The following ZNF578 variants were observed in gnomAD, a reference collection of about 807,000 sequenced individuals.
The protein encoded by ZNF578 is Putative chemokine-related protein B42.
In ZNF578, 8 loss-of-function variants were observed where a neutral mutation model predicts 8.3. That is an observed-to-expected ratio of 0.96 (90% CI 0.56 to 1.74). The LOEUF is 1.74. Ranked by LOEUF, ZNF578 falls within the 40% of genes most tolerant of loss-of-function variation. The pLI is 0.00. For synonymous variants in ZNF578, 206 were observed against 232.2 expected, an observed-to-expected ratio of 0.89 and a Z score of 1.03; for missense variants, 726 against 707.5, an observed-to-expected ratio of 1.03 and a Z score of -0.30.
intron 2 of ZNF578, among the ~76,000 whole-genome samples, chr19:52,478,941 C>T (rs373675070): frequency 2.6e-5 from 4 of 151,596 alleles, no homozygotes; most frequent in East Asian, 2.0e-4. Context: ...CTCGAACTCC[C>T]GACCTCAGGT....
intron 3 of ZNF578, among the ~76,000 whole-genome samples, chr19:52,492,475 A>AG (rs2059369114): frequency 1.3e-5 from 2 of 152,194 alleles, no homozygotes; most frequent in African/African-American, 4.8e-5. Flanking sequence ...TGGCGAATAG[A>AG]AAGAGAGAGG....
rs151275526 is a variant in ZNF578 at position 52,460,916 on chromosome 19, C to T, written c.-122+3958C>T. 6.0e-4 allele frequency among the ~76,000 whole-genome samples: 92 copies of T among 152,184 alleles called. 1 individual carries two copies. In the East Asian group the frequency reaches 0.018, roughly 29 times the overall value. On this transcript the variant is annotated intron_variant, in intron 2 of 5. Transcript: ENST00000421239. ...CCCATTTTTTCTTTTTTAAAACCAC[C>T]GTTGCTATCATGGCTTGTTCATGGT... is the stretch of plus-strand genomic sequence containing the variant.
intron 2 of ZNF578, among the ~76,000 whole-genome samples, chr19:52,471,140 T>C (rs1175473722): frequency 5.3e-5 from 8 of 152,228 alleles, no homozygotes; most frequent in Admixed American, 3.9e-4. Context: ...ATGCTGGCAT[T>C]ATGCTTCCGG....
rs747902463 is a variant in ZNF578, at chr19:52,512,998, A to G, written c.*844A>G. On this transcript the variant is annotated 3_prime_UTR_variant, in exon 6 of 6. Transcript: ENST00000421239. ...AGTTTGAAACAAGCATGGCCAAGAG[A>G]TGTGAGCCAGTTTTCCCAGCCTGTT... 6.6e-6 allele frequency among the ~76,000 whole-genome samples: 1 copy of G among 151,858 alleles called. No homozygotes were observed. Among genetic ancestry groups the G allele is most frequent in the Non-Finnish European group, 1.5e-5 (1 of 67,970 alleles).
At chr19:52,464,339 G>A (rs2059267854) in intron 2 of ZNF578, among the ~76,000 whole-genome samples, 1 of 152,216 alleles carries the variant, frequency 6.6e-6, no homozygotes, top group Non-Finnish European at 1.5e-5. Flanking sequence ...CTTTTACTGT[G>A]TAAGCCGGAA....
chr19:52,474,831 C>A (rs1352775543), intron 2 of ZNF578: 3 of 203,694 alleles, frequency 1.5e-5, no homozygotes, highest in Non-Finnish European at 2.1e-5. Flanking sequence ...AGTATGAATT[C>A]TTCGATGTTG....
At chr19:52,484,533 T>C (rs1334777344) in intron 2 of ZNF578, among the ~76,000 whole-genome samples, 1 of 152,162 alleles carries the variant, frequency 6.6e-6, no homozygotes, top group Non-Finnish European at 1.5e-5. Flanking sequence ...CCACAGTGTA[T>C]TGTGTCTCTG....
At chr19:52,492,965 T>C (rs2059371585) in intron 3 of ZNF578, 1 of 152,304 alleles carries the variant, frequency 6.6e-6, no homozygotes, top group Non-Finnish European at 1.5e-5. Flanking sequence ...TTCTCGCTTG[T>C]CTTCATTCAC....
At chr19:52,510,423 A>G in intron 5 of ZNF578, 149 bp from the exon 6 acceptor site, 2 of 1,135,080 alleles carry the variant, frequency 1.8e-6, no homozygotes, top group Non-Finnish European at 2.3e-6. Context: ...TATTTATTAA[A>G]GAATCTTACT....
chr19:52,508,914 T>TG (rs1331213534), intron 5 of ZNF578, among the ~76,000 whole-genome samples: 106 of 144,096 alleles, frequency 7.4e-4, no homozygotes, highest in Non-Finnish European at 1.3e-3. Context: ...TTTTTTTTTT[T>TG]TTTTTGAGAT....
At chr19:52,496,095 C>T (rs2059385134) in intron 3 of ZNF578, among the ~76,000 whole-genome samples, 1 of 151,932 alleles carries the variant, frequency 6.6e-6, no homozygotes, top group Non-Finnish European at 1.5e-5. Context: ...TCTGGACTCA[C>T]TGTAACCTCT....
In ZNF578 at chr19:52,487,419, C is replaced by T. The variant is rs574480012; in HGVS notation, c.-121-3905C>T. ...TCTAATAACTAAAAACTTGTTTATACACATCAGATTGAGAATTTTAAAATT... is the reference window on the plus strand; with the variant it reads ...TCTAATAACTAAAAACTTGTTTATATACATCAGATTGAGAATTTTAAAATT... On this transcript the variant is annotated intron_variant, in intron 2 of 5. Coordinates refer to ENST00000421239, the MANE Select transcript of ZNF578 (RefSeq NM_001099694.2). Among the ~76,000 whole-genome samples the T allele has an allele frequency of 3.9e-5, 6 of 152,252 alleles. No individual in the cohort carries two copies. In the South Asian group the frequency reaches 1.0e-3, roughly 26 times the overall value.
rs183198742 is a variant in ZNF578, at chr19:52,514,234, A to C, written c.*2080A>C. Among the ~76,000 whole-genome samples, 46 of 152,314 alleles carry C rather than the reference A, an allele frequency of 3.0e-4. 1 individual carries two copies. In the East Asian group the frequency reaches 8.9e-3, roughly 29 times the overall value. On this transcript the variant is annotated 3_prime_UTR_variant, in exon 6 of 6. Transcript: ENST00000421239. Reference sequence around the variant, plus strand: ...GATGCCTTTGCAGCATCCTGTAATCAGCTCACATCATTCGTTTCTGTACTT... The same window carrying C: ...GATGCCTTTGCAGCATCCTGTAATCCGCTCACATCATTCGTTTCTGTACTT...
At chr19:52,474,374 G>GT in intron 2 of ZNF578, 1 of 286,278 alleles carries the variant, frequency 3.5e-6, no homozygotes, top group Non-Finnish European at 7.2e-6. Context: ...TGAACTGTGA[G>GT]TAAAGACCTT....
intron 2 of ZNF578, among the ~76,000 whole-genome samples, chr19:52,479,288 C>T (rs1275680624): frequency 1.3e-5 from 2 of 151,910 alleles, no homozygotes; most frequent in Non-Finnish European, 1.5e-5. Flanking sequence ...GTAATCCCAG[C>T]ACTTTGGGAG....
intron 4 of ZNF578, among the ~76,000 whole-genome samples, chr19:52,504,274 G>A (rs955894178): frequency 1.4e-4 from 22 of 151,938 alleles, no homozygotes; most frequent in African/African-American, 1.7e-4. Context: ...TATTTTTAGT[G>A]GAGACAGGTT....
intron 2 of ZNF578, among the ~76,000 whole-genome samples, chr19:52,479,474 G>A (rs1245056770): frequency 6.7e-6 from 1 of 148,714 alleles, no homozygotes; most frequent in African/African-American, 2.5e-5. Flanking sequence ...GTCAGAGCTT[G>A]CAGTGAGCGG....
intron 2 of ZNF578, among the ~76,000 whole-genome samples, chr19:52,488,016 A>C (rs1052258227): frequency 2.0e-5 from 3 of 147,928 alleles, no homozygotes; most frequent in African/African-American, 5.0e-5. Context: ...GTGCGATGGC[A>C]TGATGTCAGC....
chr19:52,504,189 C>T (rs1340061847), intron 4 of ZNF578, among the ~76,000 whole-genome samples: 1 of 151,924 alleles, frequency 6.6e-6, no homozygotes, highest in Admixed American at 6.6e-5. Context: ...CTCCTGACTT[C>T]AAGTGATTCT....
Sources: gnomAD v4.1 joint callset for allele counts (sites outside exome capture counted in the v4.1 genomes callset) on GRCh38, gnomAD v4.1.1 for gene constraint, MANE v1.5 for transcripts, NCBI Gene and HGNC (gene_info 2026-07-23, HGNC 2026-07-21) for gene names.